Variants in ZNF333 observed in about 807,000 individuals in gnomAD.
ZNF333 encodes the protein zinc finger protein 333.
A neutral mutation model predicts 76.1 loss-of-function variants in ZNF333; 61 were observed. The observed-to-expected ratio is 0.80, with a 90% CI of 0.65 to 0.99. The LOEUF (loss-of-function observed/expected upper bound fraction) is 0.99, where lower values mean the gene tolerates loss of function less well. ZNF333 is among the 50% of genes least tolerant of loss of function. The pLI is 0.00. For missense variants in ZNF333, 717 were observed against 822.4 expected (o/e 0.87, Z 1.57); for synonymous variants, 284 against 305.0 (o/e 0.93, Z 0.72).
At position 14,699,198 on chromosome 19, in the gene ZNF333, G is replaced by T. The variant is rs1311924595; in HGVS notation, c.224-1G>T. On this transcript the variant is annotated splice_acceptor_variant, in intron 4 of 11. Transcript: ENST00000292530. LOFTEE classifies it high-confidence loss of function. The stretch of plus-strand genomic sequence containing the variant: ...TTCATTTTTTCTCCCATTCATTTCA[G>T]CCTGGGAATCTCAACTTAAACCCGA... The T allele has an allele frequency of 4.3e-6, 7 of 1,612,598 alleles. No homozygotes were observed. Among genetic ancestry groups the T allele is most frequent in the Non-Finnish European group, 5.9e-6 (7 of 1,179,228 alleles).
In ZNF333 at chr19:14,720,942, AC is replaced by A. The variant is rs56186961; in HGVS notation, c.*1618del. On this transcript the variant is annotated 3_prime_UTR_variant, in exon 12 of 12. Transcript: ENST00000292530. Reference sequence around the variant, plus strand: ...GCAATGAAATTAAATATAGATACTGACATTTTTTACATTTCCAACAAATTGT... The same window carrying A: ...GCAATGAAATTAAATATAGATACTGAATTTTTTACATTTCCAACAAATTGT... The A allele has an allele frequency of 0.088, 79,524 of 898,832 alleles. 3,980 individuals carry two copies. The highest frequency in any genetic ancestry group is 0.2 in the African/African-American group (11,212 of 55,344). The allele number at this position is 898,832 out of a possible 1,614,324, so 55.7% of individuals were successfully genotyped here.
At chr19:14,712,854 A>C (rs1287732110) in intron 7 of ZNF333, among the ~76,000 whole-genome samples, 1 of 152,174 alleles carries the variant, frequency 6.6e-6, no homozygotes, top group Middle Eastern at 3.2e-3. Flanking sequence ...ATAAGGTCAC[A>C]TTTTGAAGTA....
chr19:14,732,425 C>T (rs944170038), exon 12 of ZNF333: 32 of 152,210 alleles, frequency 2.1e-4, no homozygotes, highest in African/African-American at 7.5e-4. Context: ...GCAATATTCA[C>T]ATTATTGTGG....
In ZNF333 at chr19:14,716,199, GAT is replaced by G; in HGVS notation, c.689_690del (p.Asp230GlyfsTer14). On this transcript the variant is annotated frameshift_variant, in exon 9 of 12. Coordinates refer to ENST00000292530, the MANE Select transcript of ZNF333 (RefSeq NM_032433.4). LOFTEE classifies it high-confidence loss of function. ...LDSTQRSLYRDVMLENYRNLA... is the reference protein window; with the variant it reads ...LDSTQRSLYRXVMLENYRNLA... ...CTCTACTCAGAGGAGCCTGTATAGA[GAT>G]GTGATGCTGGAGAACTACAGGAACC... 6.2e-7 allele frequency: 1 copy of G among 1,614,142 alleles called. No individual in the cohort carries two copies. Among genetic ancestry groups the G allele is most frequent in the Non-Finnish European group, 8.5e-7 (1 of 1,180,020 alleles).
chr19:14,690,407 C>A (rs1043835466), intron 1 of ZNF333, among the ~76,000 whole-genome samples: 2 of 152,196 alleles, frequency 1.3e-5, no homozygotes, highest in Admixed American at 1.3e-4. Context: ...CAGTCCAGGT[C>A]CCACAGCTCA....
intron 11 of ZNF333, among the ~76,000 whole-genome samples, chr19:14,729,275 G>A (rs1447065549): frequency 1.3e-5 from 2 of 152,166 alleles, no homozygotes; most frequent in Non-Finnish European, 2.9e-5. Context: ...ACTGCCCTAT[G>A]CACTGAAGAC....
At chr19:14,697,770 C>T (rs1413391520) in intron 4 of ZNF333, among the ~76,000 whole-genome samples, 1 of 152,158 alleles carries the variant, frequency 6.6e-6, no homozygotes, top group East Asian at 1.9e-4. Context: ...GAGCAACTGT[C>T]GTACCACTTT....
At chr19:14,696,438 A>G (rs1973197673) in intron 4 of ZNF333, among the ~76,000 whole-genome samples, 2 of 152,172 alleles carry the variant, frequency 1.3e-5, no homozygotes, top group African/African-American at 4.8e-5. Flanking sequence ...ATCGTATCAT[A>G]AGTAGCCTTT....
downstream of ZNF333, among the ~76,000 whole-genome samples, chr19:14,724,030 C>G (rs8106309): frequency 0.71 from 107,584 of 152,042 alleles, 39,285 homozygotes; most frequent in African/African-American, 0.87. Flanking sequence ...TTGCTATGCT[C>G]TTGCCTATCT....
chr19:14,718,466 A>G lies in ZNF333; in HGVS notation c.1139A>G (p.Asp380Gly). ...KCEKSFRYSS[D>G]LIRHEKTHTA... ...GAAAAATCCTTCAGATACAGCTCTG[A>G]CCTTATCAGGCATGAGAAGACTCAT... is the stretch of plus-strand genomic sequence containing the variant. Residue 380 changes from aspartate (D) to glycine (G), a missense_variant, in exon 12 of 12, where the codon GAC (aspartate) becomes GGC (glycine). Asp to Gly is a moderately conservative substitution (Grantham distance 94, BLOSUM62 -1). Coordinates refer to ENST00000292530, the MANE Select transcript of ZNF333 (RefSeq NM_032433.4). 1.9e-6 allele frequency: 3 copies of G among 1,614,200 alleles called. No homozygotes were observed. The highest frequency in any genetic ancestry group is 2.5e-6 in the Non-Finnish European group (3 of 1,180,044).
Position 14,718,279 on chromosome 19 carries a change from C to G in ZNF333, c.952C>G (p.Pro318Ala). 6.2e-7 allele frequency: 1 copy of G among 1,614,076 alleles called. No homozygotes were observed. The highest frequency in any genetic ancestry group is 8.5e-7 in the Non-Finnish European group (1 of 1,180,012). Reference protein sequence around the residue: ...KLYKYNELEKPFNSIEPLFQY... With the variant: ...KLYKYNELEKAFNSIEPLFQY... ...CTATAAATATAATGAACTTGAGAAA[C>G]CTTTTAACAGCATTGAACCACTTTT... Residue 318 changes from proline to alanine, a missense_variant, in exon 12 of 12, where the codon CCT (proline) becomes GCT (alanine). Physicochemically the swap from Pro to Ala is conservative, Grantham distance 27. Coordinates refer to ENST00000292530, the MANE Select transcript of ZNF333 (RefSeq NM_032433.4).
Position 14,718,470 on chromosome 19 carries a change from T to C in ZNF333, c.1143T>C (p.Leu381=). The change falls in exon 12 of 12, where the codon CTT becomes CTC. Residue 381 remains leucine, a synonymous_variant. Transcript: ENST00000292530. Reference sequence around the variant, plus strand: ...AATCCTTCAGATACAGCTCTGACCTTATCAGGCATGAGAAGACTCATACTG... The same window carrying C: ...AATCCTTCAGATACAGCTCTGACCTCATCAGGCATGAGAAGACTCATACTG... The part of the protein sequence containing the change: ...CEKSFRYSSD[L]IRHEKTHTAE... The C allele has an allele frequency of 6.2e-7, 1 of 1,614,192 alleles. No individual in the cohort carries two copies. Among genetic ancestry groups the C allele is most frequent in the Non-Finnish European group, 8.5e-7 (1 of 1,180,036 alleles).
intron 3 of ZNF333, 21 bp downstream of exon 3, chr19:14,695,154 C>A: frequency 6.2e-7 from 1 of 1,610,492 alleles, no homozygotes; most frequent in South Asian, 1.1e-5. Context: ...CGTCACCTGG[C>A]TCCTTCCTGT....
intron 7 of ZNF333, among the ~76,000 whole-genome samples, chr19:14,714,120 A>T (rs558739106): frequency 3.3e-4 from 51 of 152,296 alleles, no homozygotes; most frequent in African/African-American, 1.2e-3. Context: ...CAGAGGGTAG[A>T]TAGCCCATGA....
At chr19:14,712,214 C>T (rs775780525) in intron 7 of ZNF333, among the ~76,000 whole-genome samples, 8 of 150,654 alleles carry the variant, frequency 5.3e-5, no homozygotes, top group Admixed American at 1.3e-4. Flanking sequence ...TTTGGGAGGA[C>T]GGTGATGAGT....
intron 7 of ZNF333, among the ~76,000 whole-genome samples, chr19:14,711,427 T>G (rs1473670746): frequency 1.3e-5 from 2 of 152,042 alleles, no homozygotes; most frequent in Non-Finnish European, 2.9e-5. Context: ...GCCAGCACTT[T>G]GGGAGGCTGA....
chr19:14,711,226 A>C (rs1750232506), intron 7 of ZNF333, among the ~76,000 whole-genome samples: 1 of 152,182 alleles, frequency 6.6e-6, no homozygotes, highest in South Asian at 2.1e-4. Context: ...CATTGTTTGT[A>C]CAAGCAGTTT....
chr19:14,691,838 G>A (rs1001102186), intron 1 of ZNF333, among the ~76,000 whole-genome samples: 1 of 151,832 alleles, frequency 6.6e-6, no homozygotes, highest in Non-Finnish European at 1.5e-5. Context: ...CACCATGCCC[G>A]GCTAATTTTT....
intron 7 of ZNF333, chr19:14,709,386 A>G (rs2042213332): frequency 6.6e-6 from 1 of 152,212 alleles, no homozygotes; most frequent in Non-Finnish European, 1.5e-5. Context: ...CTCTATGTTC[A>G]AATATGGTTA....
Sources: allele counts gnomAD v4.1 joint callset (sites outside exome capture counted in the v4.1 genomes callset), GRCh38; gene constraint gnomAD v4.1.1; transcripts MANE v1.5; gene names NCBI Gene and HGNC (gene_info 2026-07-23, HGNC 2026-07-21).